The following CNTN5 variants were observed in gnomAD, a reference collection of about 807,000 sequenced individuals.
CNTN5 encodes the protein contactin 5, also known as contactin-5.
Under a neutral mutation model 129.1 loss-of-function variants are expected in CNTN5, and 77 were observed. The observed-to-expected ratio is 0.60, with a 90% CI of 0.50 to 0.72. CNTN5 has a LOEUF of 0.72. CNTN5 is among the 30% of genes least tolerant of loss of function. The pLI, the probability that CNTN5 is intolerant of heterozygous loss-of-function variation, is 0.00. For synonymous variants in CNTN5, 509 were observed against 465.6 expected (o/e 1.09, Z -1.20); for missense variants, 1,478 against 1,328.8 (o/e 1.11, Z -1.75).
At chr11:99,982,684 A>G (rs1335205345) in intron 8 of CNTN5, among the ~76,000 whole-genome samples, 1 of 152,154 alleles carries the variant, frequency 6.6e-6, no homozygotes, top group African/African-American at 2.4e-5. Context: ...TCTGTCACCC[A>G]GGCTGGAGTG....
At chr11:99,324,787 G>T (rs1002992599) in intron 1 of CNTN5, among the ~76,000 whole-genome samples, 1 of 151,886 alleles carries the variant, frequency 6.6e-6, no homozygotes, top group African/African-American at 2.4e-5. Context: ...GACTACAGGC[G>T]CCCTCCACCA....
chr11:100,025,358 C>G (rs1407085673), intron 9 of CNTN5, among the ~76,000 whole-genome samples: 1 of 152,222 alleles, frequency 6.6e-6, no homozygotes, highest in Non-Finnish European at 1.5e-5. Flanking sequence ...CCTAGATGTC[C>G]AGGCAGAGGT....
intron 3 of CNTN5, among the ~76,000 whole-genome samples, chr11:99,809,064 T>G (rs1946354165): frequency 6.6e-6 from 1 of 152,166 alleles, no homozygotes; most frequent in African/African-American, 2.4e-5. Flanking sequence ...TACCATCTTG[T>G]TTACAGACAC....
At chr11:100,263,996 C>T (rs541013448) in intron 17 of CNTN5, among the ~76,000 whole-genome samples, 13 of 152,134 alleles carry the variant, frequency 8.5e-5, no homozygotes, top group Non-Finnish European at 1.5e-4. Context: ...TCGCTAGTTA[C>T]ACTTATGTTC....
chr11:99,123,910 AC>A (rs1262684290), intron 1 of CNTN5, among the ~76,000 whole-genome samples: 1 of 151,872 alleles, frequency 6.6e-6, no homozygotes, highest in African/African-American at 2.4e-5. Flanking sequence ...TTATGTGTCT[AC>A]TTTTCTACCA....
intron 13 of CNTN5, 126 bp from the exon 14 acceptor site, chr11:100,191,000 T>G: frequency 1.8e-6 from 1 of 545,324 alleles, no homozygotes; most frequent in Non-Finnish European, 3.1e-6. Context: ...CACTGCATAT[T>G]TTCACAGTGA....
chr11:99,998,637 C>T (rs986343576), intron 8 of CNTN5, among the ~76,000 whole-genome samples: 1 of 128,516 alleles, frequency 7.8e-6, no homozygotes, highest in South Asian at 2.7e-4. Flanking sequence ...ACTTTCTTCA[C>T]AGAATTGGAA....
chr11:99,835,591 C>T (rs1947277279), intron 4 of CNTN5, among the ~76,000 whole-genome samples: 2 of 152,290 alleles, frequency 1.3e-5, no homozygotes, highest in Admixed American at 1.3e-4. Flanking sequence ...ACCCATACAA[C>T]ATAAATGTGT....
intron 4 of CNTN5, among the ~76,000 whole-genome samples, chr11:99,822,668 C>G (rs1457690460): frequency 6.6e-6 from 1 of 152,124 alleles, no homozygotes; most frequent in Admixed American, 6.5e-5. Flanking sequence ...ATTATCTCAA[C>G]TTACTGATAC....
At chr11:99,933,945 A>C (rs969731307) in intron 7 of CNTN5, among the ~76,000 whole-genome samples, 1 of 152,178 alleles carries the variant, frequency 6.6e-6, no homozygotes, top group African/African-American at 2.4e-5. Flanking sequence ...TGCTTACTTC[A>C]TTTTCTCCAT....
intron 6 of CNTN5, among the ~76,000 whole-genome samples, chr11:99,862,731 T>C (rs1455703119): frequency 1.3e-5 from 2 of 152,112 alleles, no homozygotes; most frequent in African/African-American, 4.8e-5. Context: ...ATCATTTACA[T>C]TTGAAAGGAT....
intron 2 of CNTN5, among the ~76,000 whole-genome samples, chr11:99,442,217 G>A (rs1943861261): frequency 6.6e-6 from 1 of 152,002 alleles, no homozygotes; most frequent in Non-Finnish European, 1.5e-5. Context: ...CTCTTGCCCA[G>A]GCTGGAGTGC....
chr11:99,957,649 T>C (rs1328607595), intron 8 of CNTN5, among the ~76,000 whole-genome samples: 1 of 148,932 alleles, frequency 6.7e-6, no homozygotes, highest in Non-Finnish European at 1.5e-5. Flanking sequence ...ATATGATGTG[T>C]AGTTTGCTCT....
At chr11:99,673,867 G>A (rs533715936) in intron 3 of CNTN5, among the ~76,000 whole-genome samples, 1 of 152,092 alleles carries the variant, frequency 6.6e-6, no homozygotes, top group Non-Finnish European at 1.5e-5. Context: ...GAGCATTTAG[G>A]TTGATTCCCT....
intron 2 of CNTN5, among the ~76,000 whole-genome samples, chr11:99,542,960 C>A (rs1464297214): frequency 1.3e-5 from 2 of 152,196 alleles, no homozygotes; most frequent in African/African-American, 4.8e-5. Context: ...TTCAAGGCTG[C>A]CTCATAAAGG....
intron 6 of CNTN5, among the ~76,000 whole-genome samples, chr11:99,846,519 C>G (rs911983908): frequency 6.6e-6 from 1 of 151,770 alleles, no homozygotes; most frequent in South Asian, 2.1e-4. Context: ...AGTAATCCTA[C>G]TTGAAATTAA....
At chr11:99,950,185 T>C (rs1293529010) in intron 7 of CNTN5, among the ~76,000 whole-genome samples, 2 of 152,168 alleles carry the variant, frequency 1.3e-5, no homozygotes, top group African/African-American at 4.8e-5. Context: ...TTTAAAAATA[T>C]CTTGATTCTG....
At chr11:99,179,464 A>C (rs528033468) in intron 1 of CNTN5, among the ~76,000 whole-genome samples, 1 of 152,260 alleles carries the variant, frequency 6.6e-6, no homozygotes, top group South Asian at 2.1e-4. Flanking sequence ...TAAATAAATA[A>C]AAAATAAACA....
intron 1 of CNTN5, among the ~76,000 whole-genome samples, chr11:99,122,104 G>C (rs183930796): frequency 6.6e-6 from 1 of 151,684 alleles, no homozygotes; most frequent in East Asian, 1.9e-4. Flanking sequence ...ATTTACAGTA[G>C]GTATATCTCC....
Sources: allele counts gnomAD v4.1 joint callset (sites outside exome capture counted in the v4.1 genomes callset), GRCh38; gene constraint gnomAD v4.1.1; transcripts MANE v1.5; gene names NCBI Gene and HGNC (gene_info 2026-07-23, HGNC 2026-07-21).